Variants in SRGAP3 observed in about 807,000 individuals in gnomAD.
SRGAP3 encodes the protein SLIT-ROBO Rho GTPase-activating protein 3.
In SRGAP3, 39 loss-of-function variants were observed where a neutral mutation model predicts 121.1. That is an observed-to-expected ratio of 0.32 (90% CI 0.25 to 0.42). The LOEUF is 0.42. SRGAP3 is among the 10% of genes least tolerant of loss of function. SRGAP3 has a pLI of 1.00. For synonymous variants in SRGAP3, 601 were observed against 570.0 expected (o/e 1.05, Z -0.77); for missense variants, 1,213 against 1,470.6 (o/e 0.82, Z 2.86).
rs1190538792 is a variant in SRGAP3 at position 9,222,759 on chromosome 3, C to G, written c.67+26126G>C. 3.3e-5 allele frequency among the ~76,000 whole-genome samples: 5 copies of G among 152,340 alleles called. No homozygotes were observed. In the East Asian group the frequency reaches 9.6e-4, roughly 29 times the overall value. ...CAACTTGTACATAAATGCCCACGTG[C>G]ACCTAGCATGCATATCACTGTGATT... On this transcript the variant is annotated intron_variant, in intron 1 of 21. Coordinates refer to ENST00000383836, the MANE Select transcript of SRGAP3 (RefSeq NM_014850.4).
At chr3:9,357,251 T>C (rs1434288014) in intron 1 of SRGAP3, among the ~76,000 whole-genome samples, 2 of 152,168 alleles carry the variant, frequency 1.3e-5, no homozygotes, top group Non-Finnish European at 2.9e-5. Context: ...TCTCAAAATA[T>C]ATATACATTT....
chr3:9,159,373 C>T (rs1217559609), intron 1 of SRGAP3, among the ~76,000 whole-genome samples: 2 of 152,200 alleles, frequency 1.3e-5, no homozygotes, highest in African/African-American at 4.8e-5. Context: ...GGCCAGCTCG[C>T]CTGGCCTCAC....
intron 14 of SRGAP3, among the ~76,000 whole-genome samples, chr3:9,020,622 G>A (rs1450342428): frequency 1.3e-5 from 2 of 152,012 alleles, no homozygotes; most frequent in South Asian, 2.1e-4. Flanking sequence ...ACATACACAC[G>A]CCATTAGTTC....
intron 1 of SRGAP3, among the ~76,000 whole-genome samples, chr3:9,347,929 T>C (rs1955936860): frequency 6.6e-6 from 1 of 152,184 alleles, no homozygotes; most frequent in Non-Finnish European, 1.5e-5. Context: ...GCTAAATCAG[T>C]ACAACTTGAT....
At chr3:9,196,205 C>T (rs1042146160) in intron 1 of SRGAP3, among the ~76,000 whole-genome samples, 2 of 152,268 alleles carry the variant, frequency 1.3e-5, no homozygotes, top group East Asian at 1.9e-4. Flanking sequence ...GTCTGCCCAG[C>T]GGGGCGGGGT....
chr3:9,315,097 G>A (rs1022670222), intron 3 of SRGAP3, among the ~76,000 whole-genome samples: 52 of 152,186 alleles, frequency 3.4e-4, no homozygotes, highest in Non-Finnish European at 1.5e-4. Flanking sequence ...TCACACCAGG[G>A]TTCAAATGAC....
intron 3 of SRGAP3, among the ~76,000 whole-genome samples, chr3:9,318,602 C>T (rs918724705): frequency 6.6e-6 from 1 of 151,612 alleles, no homozygotes; most frequent in African/African-American, 2.4e-5. Context: ...GGGCCAGGTG[C>T]CGTGGCTCAT....
chr3:9,301,769 GA>G (rs1381324370), intron 3 of SRGAP3, among the ~76,000 whole-genome samples: 1 of 152,208 alleles, frequency 6.6e-6, no homozygotes, highest in Non-Finnish European at 1.5e-5. Context: ...CGTGACCTGG[GA>G]TAAATGACTT....
chr3:9,056,573 A>G (rs1281678787), intron 7 of SRGAP3, among the ~76,000 whole-genome samples: 1 of 152,246 alleles, frequency 6.6e-6, no homozygotes, highest in African/African-American at 2.4e-5. Context: ...GTGGCCTTTC[A>G]GTCATGATCT....
chr3:8,989,726 A>T (rs1416464748), intron 21 of SRGAP3, among the ~76,000 whole-genome samples: 1 of 152,264 alleles, frequency 6.6e-6, no homozygotes, highest in African/African-American at 2.4e-5. Context: ...AACAAATCAC[A>T]GTTCTATTCA....
intron 3 of SRGAP3, among the ~76,000 whole-genome samples, chr3:9,314,424 A>G (rs56221874): frequency 0.12 from 18,882 of 152,072 alleles, 1,277 homozygotes; most frequent in African/African-American, 0.18. Context: ...GAAGGGAGAC[A>G]GGAGGAAGAA....
chr3:9,011,837 C>A (rs1426983768), intron 17 of SRGAP3, among the ~76,000 whole-genome samples: 2 of 152,122 alleles, frequency 1.3e-5, no homozygotes, highest in African/African-American at 4.8e-5. Flanking sequence ...TCCAAAATTA[C>A]CATGTAATTA....
chr3:8,994,881 C>T (rs988533940), intron 18 of SRGAP3, among the ~76,000 whole-genome samples: 1 of 152,144 alleles, frequency 6.6e-6, no homozygotes, highest in African/African-American at 2.4e-5. Context: ...TTCTATTTTT[C>T]TATGCACCCT....
At chr3:9,296,524 C>G (rs1267066735) in intron 3 of SRGAP3, among the ~76,000 whole-genome samples, 1 of 152,192 alleles carries the variant, frequency 6.6e-6, no homozygotes, top group Non-Finnish European at 1.5e-5. Context: ...GACTTAGATT[C>G]TTTTTGTAGA....
intron 2 of SRGAP3, among the ~76,000 whole-genome samples, chr3:9,111,327 G>A (rs1200709807): frequency 6.6e-6 from 1 of 151,922 alleles, no homozygotes; most frequent in African/African-American, 2.4e-5. Flanking sequence ...AGGTCATTAA[G>A]CTGTGCTCCA....
At chr3:9,059,574 A>G (rs1199003972) in intron 6 of SRGAP3, 1 of 159,364 alleles carries the variant, frequency 6.3e-6, no homozygotes, top group Non-Finnish European at 1.4e-5. Flanking sequence ...CATGAGAGAA[A>G]CAGTCCTGGC....
chr3:9,078,339 G>A (rs1194845775), intron 4 of SRGAP3, among the ~76,000 whole-genome samples: 2 of 152,150 alleles, frequency 1.3e-5, no homozygotes, highest in South Asian at 2.1e-4. Flanking sequence ...AGTGGAGCCT[G>A]AGGAACATAA....
chr3:9,309,848 C>T (rs1300893285), intron 3 of SRGAP3, among the ~76,000 whole-genome samples: 2 of 152,060 alleles, frequency 1.3e-5, no homozygotes, highest in Non-Finnish European at 2.9e-5. Flanking sequence ...CAGAGTGAGA[C>T]CCTGTCTCAA....
intron 3 of SRGAP3, among the ~76,000 whole-genome samples, chr3:9,259,373 G>A (rs888799717): frequency 6.6e-6 from 1 of 152,018 alleles, no homozygotes; most frequent in African/African-American, 2.4e-5. Context: ...GGACTTCCTG[G>A]GCTCAAGCGA....
Sources: allele counts gnomAD v4.1 joint callset (sites outside exome capture counted in the v4.1 genomes callset), GRCh38; gene constraint gnomAD v4.1.1; transcripts MANE v1.5; gene names NCBI Gene and HGNC (gene_info 2026-07-23, HGNC 2026-07-21).